CMYA5: variants seen among roughly 807,000 people sequenced by gnomAD.
CMYA5 encodes cardiomyopathy-associated protein 5.
CMYA5 carries 246 observed loss-of-function variants against 318.9 expected under a neutral mutation model. That is an observed-to-expected ratio of 0.77 (90% confidence interval 0.70 to 0.86). The LOEUF is 0.86. CMYA5 is among the 40% of genes least tolerant of loss of function. The probability of loss-of-function intolerance (pLI) is 0.00; values close to 1 mark genes in which losing one functional copy is unlikely to be tolerated. For synonymous variants in CMYA5, 1,641 were observed against 1,729.5 expected (o/e 0.95, Z 1.27); for missense variants, 4,589 against 4,678.2 (o/e 0.98, Z 0.56).
Position 79,732,702 on chromosome 5 carries a change from C to T in CMYA5, c.3937C>T (p.Pro1313Ser), listed in dbSNP as rs1207371594. ...ACATGATTCCAAAATAACAACTACA[C>T]CTATAGTGCTTCATTCAGCTTCCTC... is the stretch of plus-strand genomic sequence containing the variant. ...MKHDSKITTT[P>S]IVLHSASSGV... Residue 1313 changes from proline to serine, a missense_variant, in exon 2 of 13, where the codon CCT (proline) becomes TCT (serine). Physicochemically the swap from Pro to Ser is moderately conservative, Grantham distance 74 (BLOSUM62 -1). Around this residue, in one of 3 missense-constraint regions of CMYA5, gnomAD observed 2,132 missense variants for 2,131.3 expected, o/e 1.00. Transcript: ENST00000446378. 2 of 1,613,362 alleles carry T rather than the reference C, an allele frequency of 1.2e-6. No homozygotes were observed. The highest frequency in any genetic ancestry group is 2.7e-5 in the African/African-American group (2 of 74,904).
At chr5:79,714,294 C>G (rs1174686197) in intron 1 of CMYA5, among the ~76,000 whole-genome samples, 2 of 152,134 alleles carry the variant, frequency 1.3e-5, no homozygotes, top group Non-Finnish European at 2.9e-5. Flanking sequence ...CTTGCAAAAC[C>G]TCACATCAGT....
Position 79,737,367 on chromosome 5 carries a change from G to C in CMYA5, c.8602G>C (p.Val2868Leu). 1.9e-6 allele frequency: 3 copies of C among 1,613,844 alleles called. No individual in the cohort carries two copies. Among genetic ancestry groups the C allele is most frequent in the South Asian group, 2.2e-5 (2 of 91,076 alleles). Reference sequence around the variant, plus strand: ...CGATGTGCCTAAACAATCTGTTCTTGTTTCAAAGCACCACTTGGAGGCTGC... The same window carrying C: ...CGATGTGCCTAAACAATCTGTTCTTCTTTCAAAGCACCACTTGGAGGCTGC... ...TSDVPKQSVL[V>L]SKHHLEAAED... is the part of the protein sequence containing the mutation. Residue 2868 changes from valine (V) to leucine (L), a missense_variant, in exon 2 of 13, where the codon GTT (valine) becomes CTT (leucine). Coordinates refer to ENST00000446378, the MANE Select transcript of CMYA5 (RefSeq NM_153610.5).
intron 3 of CMYA5, among the ~76,000 whole-genome samples, chr5:79,744,340 A>C (rs975745867): frequency 1.3e-5 from 2 of 152,216 alleles, no homozygotes; most frequent in African/African-American, 4.8e-5. Flanking sequence ...GTCACTGCCC[A>C]GTGTCCCATG....
chr5:79,732,098 G>A lies in CMYA5; in HGVS notation c.3333G>A (p.Gln1111=), dbSNP rs202024565. Residue 1111 remains glutamine (Q), a synonymous_variant, in exon 2 of 13, where the codon CAG becomes CAA. Coordinates refer to ENST00000446378, the MANE Select transcript of CMYA5 (RefSeq NM_153610.5). ...TATCTGAATATCTCATTTTGGCACA[G>A]AAGCAGAAAACTCAAGCATATTTAG... ...TSVSEYLILA[Q]KQKTQAYLEP... 4,235 of 1,613,950 alleles carry A rather than the reference G, an allele frequency of 2.6e-3. 20 individuals are homozygous for A. Among genetic ancestry groups the A allele is most frequent in the Middle Eastern group, 8.2e-3 (50 of 6,062 alleles).
At chr5:79,691,692 G>T (rs767522700) in intron 1 of CMYA5, among the ~76,000 whole-genome samples, 7 of 152,216 alleles carry the variant, frequency 4.6e-5, no homozygotes, top group Non-Finnish European at 7.3e-5. Flanking sequence ...AACACGTATC[G>T]ACGAAAAAGC....
In CMYA5 at chr5:79,799,896, C is replaced by T; in HGVS notation, c.*280C>T. 1 of 233,192 alleles carries T rather than the reference C, an allele frequency of 4.3e-6. No individual in the cohort carries two copies. Among genetic ancestry groups the T allele is most frequent in the Non-Finnish European group, 8.5e-6 (1 of 118,188 alleles). The allele number at this position is 233,192 out of a possible 1,614,324, so 14.4% of individuals were successfully genotyped here. ...AAAAGATCTACACTTGAGTTGGGAACCGAAAGAGAAAAATGGACTTCCATC... is the reference window on the plus strand; with the variant it reads ...AAAAGATCTACACTTGAGTTGGGAATCGAAAGAGAAAAATGGACTTCCATC... On this transcript the variant is annotated 3_prime_UTR_variant, in exon 13 of 13. Transcript: ENST00000446378.
chr5:79,729,630 G>T lies in CMYA5; in HGVS notation c.865G>T (p.Ala289Ser). ...NTVSKTRKLVAQSIEDKVKEV... is the reference protein window; with the variant it reads ...NTVSKTRKLVSQSIEDKVKEV... ...AGTGTCCAAAACACGCAAATTAGTA[G>T]CCCAAAGCATAGAGGATAAAGTAAA... Residue 289 changes from alanine (A) to serine (S), a missense_variant, in exon 2 of 13, where the codon GCC becomes TCC. By Grantham distance (99) the Ala-to-Ser change is moderately conservative. Around this residue, in one of 3 missense-constraint regions of CMYA5, gnomAD observed 2,132 missense variants for 2,131.3 expected, o/e 1.00. Coordinates refer to ENST00000446378, the MANE Select transcript of CMYA5 (RefSeq NM_153610.5). 3 of 1,613,886 alleles carry T rather than the reference G, an allele frequency of 1.9e-6. No individual in the cohort carries two copies. The highest frequency in any genetic ancestry group is 2.5e-6 in the Non-Finnish European group (3 of 1,179,856).
At position 79,739,055 on chromosome 5, in the gene CMYA5, A is replaced by G. The variant is rs759923356; in HGVS notation, c.10290A>G (p.Glu3430=). Residue 3430 remains glutamate (E), a synonymous_variant, in exon 2 of 13, where the codon GAA becomes GAG. Transcript: ENST00000446378. The part of the protein sequence containing the change: ...EYEFTESLHN[E]VVPQDILSEE... ...AATTTACAGAATCCCTGCATAATGA[A>G]GTGGTTCCTCAAGACATATTATCAG... The G allele has an allele frequency of 1.1e-5, 17 of 1,613,934 alleles. No homozygotes were observed. Among genetic ancestry groups the G allele is most frequent in the Admixed American group, 3.3e-5 (2 of 59,984 alleles).
intron 1 of CMYA5, among the ~76,000 whole-genome samples, chr5:79,726,581 C>T (rs1247074549): frequency 2.6e-5 from 4 of 152,146 alleles, no homozygotes; most frequent in African/African-American, 9.7e-5. Context: ...TCACTCATGG[C>T]ATGTATAGAA....
intron 10 of CMYA5, among the ~76,000 whole-genome samples, chr5:79,789,729 C>T (rs1238788623): frequency 1.3e-5 from 2 of 152,090 alleles, no homozygotes; most frequent in Non-Finnish European, 2.9e-5. Context: ...CTGGCCTCTC[C>T]AGATGATTTT....
At chr5:79,794,206 A>T (rs259098) in intron 12 of CMYA5, among the ~76,000 whole-genome samples, 92,081 of 152,136 alleles carry the variant, frequency 0.61, 27,915 homozygotes, top group Middle Eastern at 0.69. Context: ...TGTAAATAAA[A>T]TTGCAGAAAC....
chr5:79,717,559 T>G (rs938646391), intron 1 of CMYA5, among the ~76,000 whole-genome samples: 8 of 152,192 alleles, frequency 5.3e-5, no homozygotes, highest in Non-Finnish European at 1.2e-4. Flanking sequence ...AGATGATTCA[T>G]TCTAAGTGAA....
At chr5:79,777,748 C>G (rs962796121) in intron 9 of CMYA5, among the ~76,000 whole-genome samples, 7 of 151,690 alleles carry the variant, frequency 4.6e-5, no homozygotes, top group Non-Finnish European at 7.4e-5. Context: ...GCACCCCAGC[C>G]CGGGAGACAA....
Position 79,729,526 on chromosome 5 carries a change from T to C in CMYA5, c.761T>C (p.Ile254Thr), listed in dbSNP as rs1030674918. The change falls in exon 2 of 13, where the codon ATT becomes ACT. Residue 254 changes from isoleucine to threonine, a missense_variant. This residue lies in a region of CMYA5 where 2,132 missense variants were observed against 2,131.3 expected (regional missense o/e 1.00). Coordinates refer to ENST00000446378, the MANE Select transcript of CMYA5 (RefSeq NM_153610.5). The part of the protein sequence containing the change: ...FYGTLPKGYV[I>T]KEIHYRKGKD... ...GGAACATTGCCAAAGGGTTATGTAATTAAAGAAATACATTATAGGAAAGGG... is the reference window on the plus strand; with the variant it reads ...GGAACATTGCCAAAGGGTTATGTAACTAAAGAAATACATTATAGGAAAGGG... The C allele has an allele frequency of 1.9e-6, 3 of 1,612,056 alleles. No individual in the cohort carries two copies. The highest frequency in any genetic ancestry group is 2.7e-5 in the African/African-American group (2 of 74,858).
Position 79,737,289 on chromosome 5 carries a change from A to G in CMYA5, c.8524A>G (p.Thr2842Ala). The G allele has an allele frequency of 6.2e-7, 1 of 1,613,754 alleles. No individual in the cohort carries two copies. The highest frequency in any genetic ancestry group is 1.3e-5 in the African/African-American group (1 of 74,994). The change falls in exon 2 of 13, where the codon ACT becomes GCT. Residue 2842 changes from threonine (T) to alanine (A), a missense_variant. Around this residue, in one of 3 missense-constraint regions of CMYA5, gnomAD observed 2,431 missense variants for 2,495.1 expected, o/e 0.97. Transcript: ENST00000446378. ...AAAAGAAATGCCACGATCAGAATTG[A>G]CTCCAGAAAGGCATACAGTTCATAC... The part of the protein sequence containing the change: ...KKKEMPRSEL[T>A]PERHTVHTIQ...
chr5:79,733,032 G>C lies in CMYA5; in HGVS notation c.4267G>C (p.Gly1423Arg), dbSNP rs1827955441. ...LAEEDKVAIK[G>R]ASPIETSSKH... is the part of the protein sequence containing the mutation. ...AGAAGAAGACAAGGTGGCAATTAAA[G>C]GTGCTTCTCCCATTGAAACTTCATC... The change falls in exon 2 of 13, where the codon GGT becomes CGT. Residue 1423 changes from glycine to arginine, a missense_variant. By Grantham distance (125) the Gly-to-Arg change is moderately radical (BLOSUM62 -2). Coordinates refer to ENST00000446378, the MANE Select transcript of CMYA5 (RefSeq NM_153610.5). The C allele has an allele frequency of 6.2e-7, 1 of 1,613,200 alleles. No individual in the cohort carries two copies. Among genetic ancestry groups the C allele is most frequent in the Admixed American group, 1.7e-5 (1 of 59,882 alleles).
At chr5:79,774,728 T>G (rs956687279) in intron 9 of CMYA5, among the ~76,000 whole-genome samples, 3 of 152,174 alleles carry the variant, frequency 2.0e-5, no homozygotes, top group African/African-American at 7.2e-5. Context: ...ATATTCCTCC[T>G]TCTTCCAGCT....
At chr5:79,771,683 GAA>G in intron 9 of CMYA5, among the ~76,000 whole-genome samples, 1 of 152,304 alleles carries the variant, frequency 6.6e-6, no homozygotes. Context: ...TACTCTGAGT[GAA>G]CCTTCTCAGC....
intron 9 of CMYA5, among the ~76,000 whole-genome samples, chr5:79,777,467 C>G (rs958978600): frequency 6.6e-6 from 1 of 152,072 alleles, no homozygotes; most frequent in African/African-American, 2.4e-5. Context: ...TATGAAACTA[C>G]TTCAATTAAA....
Sources: gnomAD v4.1 joint callset for allele counts (sites outside exome capture counted in the v4.1 genomes callset) on GRCh38, gnomAD v4.1.1 for gene constraint, gnomAD v4.1.1 regional missense constraint, MANE v1.5 for transcripts, NCBI Gene and HGNC (gene_info 2026-07-23, HGNC 2026-07-21) for gene names.